Variants in USP32 observed in about 807,000 individuals in gnomAD.
The protein encoded by USP32 is ubiquitin carboxyl-terminal hydrolase 32.
A neutral mutation model predicts 204.8 loss-of-function variants in USP32; 59 were observed. The ratio of observed to expected loss-of-function variants is 0.29; its 90% confidence interval spans 0.23 to 0.36. The LOEUF is 0.36. Ranked by LOEUF, USP32 falls within the 10% of genes least tolerant of loss-of-function variation. The probability of loss-of-function intolerance (pLI) is 1.00; values close to 1 mark genes in which losing one functional copy is unlikely to be tolerated. For synonymous variants in USP32, 517 were observed against 678.4 expected, an observed-to-expected ratio of 0.76 and a Z score of 3.70; for missense variants, 1,160 against 1,946.4, an observed-to-expected ratio of 0.60 and a Z score of 7.60.
intron 24 of USP32, 96 bp from the exon 25 acceptor site, chr17:60,207,228 T>C (rs2084852970): frequency 6.1e-6 from 9 of 1,480,154 alleles, no homozygotes; most frequent in Non-Finnish European, 8.1e-6. Context: ...TCTTAGGCGC[T>C]TTCATCCGTA....
intron 1 of USP32, among the ~76,000 whole-genome samples, chr17:60,410,234 T>A (rs1009271732): frequency 4.6e-5 from 7 of 152,188 alleles, no homozygotes; most frequent in African/African-American, 1.7e-4. Flanking sequence ...AGGAAGAAAC[T>A]GGCTCATCTG....
At chr17:60,306,364 G>A (rs953254419) in intron 2 of USP32, among the ~76,000 whole-genome samples, 7 of 152,182 alleles carry the variant, frequency 4.6e-5, no homozygotes, top group African/African-American at 9.7e-5. Flanking sequence ...CTGGCCGGGC[G>A]CAGTGGCTCA....
At chr17:60,270,996 C>A (rs2086711996) in intron 6 of USP32, among the ~76,000 whole-genome samples, 1 of 152,084 alleles carries the variant, frequency 6.6e-6, no homozygotes, top group African/African-American at 2.4e-5. Context: ...GAGACGAGGT[C>A]ATGTGTGGAA....
intron 9 of USP32, among the ~76,000 whole-genome samples, chr17:60,262,981 T>A (rs1263561062): frequency 6.6e-6 from 1 of 152,044 alleles, no homozygotes; most frequent in Non-Finnish European, 1.5e-5. Flanking sequence ...CAAGTTCTCA[T>A]TCTGTTGCTC....
chr17:60,419,865 A>G (rs1169014265), intron 1 of USP32, among the ~76,000 whole-genome samples: 1 of 140,476 alleles, frequency 7.1e-6, no homozygotes, highest in Non-Finnish European at 1.6e-5. Flanking sequence ...TTATTATTTT[A>G]TTATTATTAT....
At chr17:60,281,871 T>C (rs1180510271) in intron 5 of USP32, among the ~76,000 whole-genome samples, 2 of 152,174 alleles carry the variant, frequency 1.3e-5, no homozygotes, top group East Asian at 3.8e-4. Context: ...ATCAAAATCT[T>C]TGCCGACAGA....
intron 11 of USP32, among the ~76,000 whole-genome samples, chr17:60,247,766 C>T (rs1188159385): frequency 2.0e-5 from 3 of 152,048 alleles, no homozygotes; most frequent in Non-Finnish European, 4.4e-5. Context: ...TCATTGCAAC[C>T]TCCACCTCCC....
rs1429779190 is a variant in USP32, at chr17:60,252,386, A to G, written c.1131T>C (p.Ile377=). ...AATTGAAACTACAAATTTACCTAAT[A>G]ATTTGTCCTTCTTCTTCCGGAGTAG... ...RPATPEEEGQ[I]IRGWLERESR... is the part of the protein sequence containing the mutation. The change falls in exon 11 of 34, where the codon ATT becomes ATC. Residue 377 remains isoleucine, a synonymous_variant. Coordinates refer to ENST00000300896, the MANE Select transcript of USP32 (RefSeq NM_032582.4). 1.2e-6 allele frequency: 2 copies of G among 1,608,324 alleles called. No individual in the cohort carries two copies. The highest frequency in any genetic ancestry group is 2.7e-5 in the African/African-American group (2 of 74,706).
intron 11 of USP32, 139 bp downstream of exon 11, chr17:60,252,242 T>G: frequency 1.4e-6 from 1 of 715,686 alleles, no homozygotes; most frequent in Non-Finnish European, 2.3e-6. Flanking sequence ...GGAAGGTACT[T>G]TAACAAAAAT....
intron 18 of USP32, 110 bp downstream of exon 18, chr17:60,213,471 T>C (rs2085023783): frequency 7.2e-6 from 4 of 551,822 alleles, no homozygotes; most frequent in Non-Finnish European, 1.3e-5. Flanking sequence ...CATAAAAACA[T>C]AATAATCAAA....
intron 11 of USP32, chr17:60,249,736 T>A (rs1457154520): frequency 1.3e-5 from 9 of 701,690 alleles, no homozygotes; most frequent in Non-Finnish European, 2.1e-5. Context: ...TGTATATATT[T>A]GGTCAGTTTC....
At chr17:60,318,070 GGTACAAATTGT>G (rs752340598) in intron 2 of USP32, among the ~76,000 whole-genome samples, 1 of 152,138 alleles carries the variant, frequency 6.6e-6, no homozygotes, top group Non-Finnish European at 1.5e-5. Context: ...TAAAATCAGT[GGTACAAATTGT>G]GACATAGAAA....
In USP32 at chr17:60,391,975, G is replaced by A. The variant is rs1002809006; in HGVS notation, c.-36C>T. ...TCCCCTCGGCGGGGGGTCGGAGCCT[G>A]ATCTCGCCCCCACCCCCCTCCCGCC... On this transcript the variant is annotated 5_prime_UTR_variant, in exon 1 of 34. Transcript: ENST00000300896. The A allele has an allele frequency of 6.2e-7, 1 of 1,600,416 alleles. No individual in the cohort carries two copies. Among genetic ancestry groups the A allele is most frequent in the African/African-American group, 1.3e-5 (1 of 74,232 alleles).
rs991335300 is a variant in USP32 at position 60,266,143 on chromosome 17, T to C, written c.812-52A>G. ...AAAATCATTTTTGTATTCTGAGGTA[T>C]AATATATTTTACTAGAAGTTGCCCT... On this transcript the variant is annotated intron_variant, in intron 7 of 33. Coordinates refer to ENST00000300896, the MANE Select transcript of USP32 (RefSeq NM_032582.4). 4 of 1,414,942 alleles carry C rather than the reference T, an allele frequency of 2.8e-6. No homozygotes were observed. The African/African-American group carries it at 5.7e-5, about 20-fold the overall frequency. 87.6% of individuals were successfully genotyped at this position (1,414,942 alleles called of 1,614,324 possible).
intron 7 of USP32, among the ~76,000 whole-genome samples, chr17:60,269,231 T>C (rs967975495): frequency 2.0e-5 from 3 of 152,118 alleles, no homozygotes; most frequent in African/African-American, 7.2e-5. Context: ...ATCAACTCCA[T>C]TGTTAATAGC....
At chr17:60,361,093 C>A (rs2089197445) in intron 1 of USP32, among the ~76,000 whole-genome samples, 1 of 152,142 alleles carries the variant, frequency 6.6e-6, no homozygotes, top group Non-Finnish European at 1.5e-5. Flanking sequence ...CATGCCACTG[C>A]ACTCCAGCCT....
intron 2 of USP32, among the ~76,000 whole-genome samples, chr17:60,321,004 C>T (rs2088099764): frequency 6.6e-6 from 1 of 152,096 alleles, no homozygotes; most frequent in African/African-American, 2.4e-5. Context: ...GCTCCGGATA[C>T]AGACGCAGTA....
In USP32 at chr17:60,410,484, C is replaced by T. The variant is rs139964086; in HGVS notation, c.106+11762G>A. On this transcript the variant is annotated intron_variant, in intron 1 of 3. Transcript: ENST00000588898. Reference sequence around the variant, plus strand: ...GAGATTGAGACCATCTTGGCTAACACGGTGAAACCCTGTCTCTACTAAAAA... The same window carrying T: ...GAGATTGAGACCATCTTGGCTAACATGGTGAAACCCTGTCTCTACTAAAAA... 2.3e-3 allele frequency among the ~76,000 whole-genome samples: 344 copies of T among 151,422 alleles called. 1 individual carries two copies. Among genetic ancestry groups the T allele is most frequent in the African/African-American group, 7.9e-3 (325 of 41,232 alleles).
intron 2 of USP32, 114 bp downstream of exon 2, chr17:60,345,367 A>G (rs920169911): frequency 1.4e-6 from 2 of 1,447,894 alleles, no homozygotes; most frequent in Admixed American, 2.3e-5. Flanking sequence ...CCACTCAGGA[A>G]GAAAAATAAC....
Sources: gnomAD v4.1 joint callset for allele counts (sites outside exome capture counted in the v4.1 genomes callset) on GRCh38, gnomAD v4.1.1 for gene constraint, MANE v1.5 for transcripts, NCBI Gene and HGNC (gene_info 2026-07-23, HGNC 2026-07-21) for gene names.